The following BFSP2 variants were observed in gnomAD, a reference collection of about 807,000 sequenced individuals.
The protein encoded by BFSP2 is beaded filament structural protein 2.
BFSP2 carries 38 observed loss-of-function variants against 44.9 expected under a neutral mutation model. The ratio of observed to expected loss-of-function variants is 0.85; its 90% CI spans 0.65 to 1.11. The LOEUF (loss-of-function observed/expected upper bound fraction) is 1.11. Ranked by LOEUF, BFSP2 falls within the 50% of genes least tolerant of loss-of-function variation. BFSP2 has a pLI of 0.00. For missense variants in BFSP2, 525 were observed against 533.0 expected (o/e 0.99, Z 0.15); for synonymous variants, 197 against 209.9 (o/e 0.94, Z 0.53).
chr3:133,425,066 T>G (rs773649146), intron 1 of BFSP2, among the ~76,000 whole-genome samples: 3 of 152,190 alleles, frequency 2.0e-5, no homozygotes, highest in Non-Finnish European at 4.4e-5. Flanking sequence ...GAATCCTGGG[T>G]GACGGTGGCA....
intron 1 of BFSP2, among the ~76,000 whole-genome samples, chr3:133,426,297 C>T (rs576670702): frequency 3.3e-5 from 5 of 152,088 alleles, no homozygotes; most frequent in Non-Finnish European, 5.9e-5. Flanking sequence ...CCCCTGCTGA[C>T]GTGCCTGTCA....
At chr3:133,418,268 C>T (rs533174738) in intron 1 of BFSP2, among the ~76,000 whole-genome samples, 5 of 152,102 alleles carry the variant, frequency 3.3e-5, no homozygotes, top group Non-Finnish European at 7.3e-5. Flanking sequence ...CATCTTCATT[C>T]CCACCCCCCA....
chr3:133,466,009 A>G (rs190028096), intron 4 of BFSP2, among the ~76,000 whole-genome samples: 1 of 152,324 alleles, frequency 6.6e-6, no homozygotes, highest in East Asian at 1.9e-4. Flanking sequence ...AACACTGTGC[A>G]GCCGCTATAA....
At chr3:133,428,865 C>T (rs924180409) in intron 1 of BFSP2, among the ~76,000 whole-genome samples, 1 of 152,222 alleles carries the variant, frequency 6.6e-6, no homozygotes, top group African/African-American at 2.4e-5. Flanking sequence ...CTCCCTGTGT[C>T]TGTCAGGGTC....
intron 1 of BFSP2, among the ~76,000 whole-genome samples, chr3:133,417,793 A>C (rs1240136520): frequency 3.0e-5 from 2 of 65,588 alleles, no homozygotes; most frequent in African/African-American, 1.3e-4. Context: ...CCTCTACTAG[A>C]CCCTATCCTC....
At chr3:133,457,483 G>A (rs556693652) in intron 4 of BFSP2, among the ~76,000 whole-genome samples, 14 of 152,066 alleles carry the variant, frequency 9.2e-5, no homozygotes, top group Admixed American at 4.6e-4. Context: ...TTTTCTATGG[G>A]GGTCAATCAA....
chr3:133,444,819 C>T (rs1054282245), intron 1 of BFSP2, among the ~76,000 whole-genome samples: 2 of 152,184 alleles, frequency 1.3e-5, no homozygotes, highest in African/African-American at 4.8e-5. Context: ...GCTCCCTGGA[C>T]CACCGCAAGA....
chr3:133,409,924 C>G (rs1240888490), intron 1 of BFSP2: 3 of 157,350 alleles, frequency 1.9e-5, no homozygotes, highest in African/African-American at 7.2e-5. Context: ...GGAGGCTGCA[C>G]TGGGGAGAAA....
At chr3:133,411,010 G>A (rs1356409126) in intron 1 of BFSP2, among the ~76,000 whole-genome samples, 1 of 152,202 alleles carries the variant, frequency 6.6e-6, no homozygotes, top group East Asian at 1.9e-4. Context: ...AATCCATAGA[G>A]ACCTGTTAGC....
intron 4 of BFSP2, among the ~76,000 whole-genome samples, chr3:133,461,430 G>A (rs1284138849): frequency 6.6e-6 from 1 of 152,150 alleles, no homozygotes; most frequent in East Asian, 1.9e-4. Flanking sequence ...CTCAGGTCCT[G>A]TGCAGTTTCA....
At chr3:133,467,727 A>G (rs1425234690) in intron 5 of BFSP2, among the ~76,000 whole-genome samples, 1 of 152,158 alleles carries the variant, frequency 6.6e-6, no homozygotes, top group Non-Finnish European at 1.5e-5. Context: ...ATCTTTTCTT[A>G]GATGTCCCCT....
At chr3:133,435,199 G>A (rs147835005) in intron 1 of BFSP2, among the ~76,000 whole-genome samples, 2 of 152,352 alleles carry the variant, frequency 1.3e-5, no homozygotes, top group East Asian at 1.9e-4. Context: ...ATGGGCAGAA[G>A]CATTTGTCAT....
intron 6 of BFSP2, among the ~76,000 whole-genome samples, chr3:133,473,130 G>A (rs902133359): frequency 3.9e-5 from 6 of 151,962 alleles, no homozygotes; most frequent in Admixed American, 6.5e-5. Flanking sequence ...GCTTCAGTAC[G>A]TCTGGGGTGG....
intron 1 of BFSP2, among the ~76,000 whole-genome samples, chr3:133,424,244 A>G (rs55751745): frequency 0.85 from 124,135 of 145,432 alleles, 52,891 homozygotes; most frequent in Middle Eastern, 0.95. Context: ...TTTTTTTTGT[A>G]TTTTTAGTAG....
chr3:133,401,368 T>TA (rs1393558263), intron 1 of BFSP2, among the ~76,000 whole-genome samples: 1 of 152,260 alleles, frequency 6.6e-6, no homozygotes, highest in Non-Finnish European at 1.5e-5. Context: ...GAAATGTGGC[T>TA]AATGAGACTG....
chr3:133,419,338 T>C (rs1559961721), intron 1 of BFSP2, among the ~76,000 whole-genome samples: 1 of 152,192 alleles, frequency 6.6e-6, no homozygotes, highest in Non-Finnish European at 1.5e-5. Flanking sequence ...ATTTTACAGA[T>C]AAAGAAACTG....
rs750683936 is a variant in BFSP2, at chr3:133,449,400, GCTTA to G, written c.729+759_729+762del. On this transcript the variant is annotated intron_variant, in intron 3 of 6. Coordinates refer to ENST00000302334, the MANE Select transcript of BFSP2 (RefSeq NM_003571.4). The stretch of plus-strand genomic sequence containing the variant: ...TGCATAAATGCCCTGTGCTGTTGTT[GCTTA>G]CTTTGTTTTTGTTTTTGTTTTTGTT... The G allele has an allele frequency of 2.3e-3, 344 of 149,178 alleles. 1 individual carries two copies. Among genetic ancestry groups the G allele is most frequent in the Non-Finnish European group, 3.6e-3 (243 of 66,854 alleles). The allele number at this position is 149,178 out of a possible 1,614,324, so 9.2% of individuals were successfully genotyped here.
At chr3:133,420,214 C>T (rs1308983596) in intron 1 of BFSP2, among the ~76,000 whole-genome samples, 9 of 152,136 alleles carry the variant, frequency 5.9e-5, no homozygotes, top group Admixed American at 3.3e-4. Flanking sequence ...TTGGGAGGGG[C>T]TTGTTATGAG....
chr3:133,407,618 C>T (rs757897163), intron 1 of BFSP2, among the ~76,000 whole-genome samples: 13 of 151,976 alleles, frequency 8.6e-5, no homozygotes, highest in Non-Finnish European at 1.0e-4. Context: ...CCAGCAGCCC[C>T]GCCAGACATT....
Sources: allele counts gnomAD v4.1 joint callset (sites outside exome capture counted in the v4.1 genomes callset), GRCh38; gene constraint gnomAD v4.1.1; transcripts MANE v1.5; gene names NCBI Gene and HGNC (gene_info 2026-07-23, HGNC 2026-07-21).